ACTR3C: variants seen among roughly 807,000 people sequenced by gnomAD.
The protein encoded by ACTR3C is actin-related protein 3C.
ACTR3C carries 18 observed loss-of-function variants against 26.3 expected under a neutral mutation model. That is an observed-to-expected ratio of 0.68 (90% confidence interval 0.47 to 1.01). ACTR3C has a LOEUF of 1.01. ACTR3C is among the 50% of genes least tolerant of loss of function. The pLI, the probability that ACTR3C is intolerant of heterozygous loss-of-function variation, is 0.00. For synonymous variants in ACTR3C, 55 were observed against 94.5 expected (o/e 0.58, Z 2.42); for missense variants, 184 against 250.7 (o/e 0.73, Z 1.80).
At chr7:150,302,236 A>G in intron 1 of ACTR3C, among the ~76,000 whole-genome samples, 1 of 152,260 alleles carries the variant, frequency 6.6e-6, no homozygotes. Context: ...AATCCATTAA[A>G]TGATCAAAAA....
chr7:149,990,681 A>C, the ACTR3C span, among the ~76,000 whole-genome samples: 4 of 148,164 alleles, frequency 2.7e-5, no homozygotes, highest in Non-Finnish European at 6.0e-5. Flanking sequence ...GGAGCAAAGA[A>C]GGAAGTAACG....
chr7:150,240,045 A>G (rs1244400116), downstream of ACTR3C, among the ~76,000 whole-genome samples: 2 of 152,218 alleles, frequency 1.3e-5, no homozygotes, highest in South Asian at 2.1e-4. Flanking sequence ...ATGAGCCACC[A>G]TGCCTGGCCT....
the ACTR3C span, among the ~76,000 whole-genome samples, chr7:150,166,967 T>G: frequency 1.5e-4 from 23 of 150,342 alleles, 3 homozygotes; most frequent in African/African-American, 5.8e-4. Flanking sequence ...TGCGTGTTGC[T>G]GCAAATGACA....
chr7:150,252,132 G>T (rs1385510412), intron 6 of ACTR3C, among the ~76,000 whole-genome samples: 2 of 151,912 alleles, frequency 1.3e-5, no homozygotes, highest in African/African-American at 4.8e-5. Context: ...GTCTGTGTGT[G>T]TGTGTGTGTG....
chr7:150,041,919 A>AACC, the ACTR3C span, among the ~76,000 whole-genome samples: 1 of 140,062 alleles, frequency 7.1e-6, no homozygotes, highest in Admixed American at 7.1e-5. Context: ...CCAGGGGGGG[A>AACC]AGAGGGTCTG....
chr7:150,040,260 C>T, the ACTR3C span, among the ~76,000 whole-genome samples: 826 of 147,278 alleles, frequency 5.6e-3, 33 homozygotes, highest in African/African-American at 0.019. Context: ...TGTTTAGAGA[C>T]GTAGGCTACC....
chr7:149,918,075 G>A, the ACTR3C span, among the ~76,000 whole-genome samples: 4 of 152,028 alleles, frequency 2.6e-5, no homozygotes, highest in African/African-American at 7.2e-5. Context: ...TCTATAGAAC[G>A]AAGAATTCAA....
intron 1 of ACTR3C, among the ~76,000 whole-genome samples, chr7:150,307,256 C>T (rs532666168): frequency 2.0e-5 from 3 of 152,310 alleles, no homozygotes; most frequent in East Asian, 1.9e-4. Context: ...GCCTCTGAGC[C>T]GAAGCTCACC....
chr7:149,990,969 T>C, the ACTR3C span, among the ~76,000 whole-genome samples: 1 of 152,212 alleles, frequency 6.6e-6, no homozygotes, highest in Non-Finnish European at 1.5e-5. Context: ...AATGTGGACT[T>C]ATCCTGATGC....
the ACTR3C span, among the ~76,000 whole-genome samples, chr7:149,929,762 C>G: frequency 6.6e-6 from 1 of 152,086 alleles, no homozygotes; most frequent in Admixed American, 6.5e-5. Flanking sequence ...AACTCCTGCC[C>G]TCAGGTGATC....
the ACTR3C span, among the ~76,000 whole-genome samples, chr7:149,921,524 GTTCTT>G: frequency 1.3e-5 from 2 of 152,020 alleles, no homozygotes; most frequent in East Asian, 3.9e-4. Context: ...TTACTTCTTT[GTTCTT>G]TTGTTTTATT....
At chr7:150,011,443 G>C in the ACTR3C span, among the ~76,000 whole-genome samples, 1 of 152,114 alleles carries the variant, frequency 6.6e-6, no homozygotes, top group African/African-American at 2.4e-5. Flanking sequence ...AAATTAGCCA[G>C]GCATGATGGT....
chr7:149,971,907 G>C, the ACTR3C span, among the ~76,000 whole-genome samples: 1 of 152,212 alleles, frequency 6.6e-6, no homozygotes, highest in Non-Finnish European at 1.5e-5. Flanking sequence ...TCTTCTGGCT[G>C]TCCTCCAACT....
chr7:150,119,299 G>A, the ACTR3C span, among the ~76,000 whole-genome samples: 1 of 152,130 alleles, frequency 6.6e-6, no homozygotes, highest in Non-Finnish European at 1.5e-5. Context: ...TGGCAAATTG[G>A]ATAAAGAGTC....
chr7:149,888,880 C>T, the ACTR3C span, among the ~76,000 whole-genome samples: 3 of 151,928 alleles, frequency 2.0e-5, no homozygotes, highest in Admixed American at 6.6e-5. Context: ...TGGTGGTGAG[C>T]GCCTGTAATC....
At chr7:150,159,127 T>C in the ACTR3C span, among the ~76,000 whole-genome samples, 10 of 152,190 alleles carry the variant, frequency 6.6e-5, no homozygotes, top group East Asian at 1.9e-4. Context: ...CAAAACACCA[T>C]ATCGCGCACC....
At chr7:150,127,737 T>C in the ACTR3C span, among the ~76,000 whole-genome samples, 1 of 152,112 alleles carries the variant, frequency 6.6e-6, no homozygotes, top group African/African-American at 2.4e-5. Context: ...TTCAATTATT[T>C]ATTAAAGTAA....
chr7:149,959,261 C>G, the ACTR3C span, among the ~76,000 whole-genome samples: 1 of 148,500 alleles, frequency 6.7e-6, no homozygotes, highest in Non-Finnish European at 1.5e-5. Flanking sequence ...GCTTCCTCCC[C>G]TCAGCATTGT....
At chr7:150,051,346 TGTCTC>T in the ACTR3C span, among the ~76,000 whole-genome samples, 1 of 146,868 alleles carries the variant, frequency 6.8e-6, no homozygotes, top group East Asian at 2.2e-4. Context: ...ATTCAATTCT[TGTCTC>T]TAATCACCTT....
Sources: allele counts gnomAD v4.1 joint callset (sites outside exome capture counted in the v4.1 genomes callset), GRCh38; gene constraint gnomAD v4.1.1; transcripts MANE v1.5; gene names NCBI Gene and HGNC (gene_info 2026-07-23, HGNC 2026-07-21).